CSMD1: variants seen among roughly 807,000 people sequenced by gnomAD.
The protein encoded by CSMD1 is CUB and sushi domain-containing protein 1.
A neutral mutation model predicts 417.5 loss-of-function variants in CSMD1; 213 were observed. The observed-to-expected ratio is 0.51, with a 90% CI of 0.46 to 0.57. CSMD1 has a LOEUF of 0.57. Among genes scored for constraint, CSMD1 ranks in the 20% least tolerant of loss-of-function variants. The pLI is 0.00. For missense variants in CSMD1, 6,923 were observed against 4,529.7 expected, an observed-to-expected ratio of 1.53 and a Z score of -15.17; for synonymous variants, 2,862 against 1,736.8, an observed-to-expected ratio of 1.65 and a Z score of -16.11.
chr8:3,798,858 A>T (rs1039650260), intron 5 of CSMD1, among the ~76,000 whole-genome samples: 1 of 151,964 alleles, frequency 6.6e-6, no homozygotes, highest in Non-Finnish European at 1.5e-5. Context: ...ACTCTTTCCT[A>T]TTTTCCTTTG....
At chr8:3,781,510 G>C (rs1799180412) in intron 5 of CSMD1, among the ~76,000 whole-genome samples, 1 of 151,940 alleles carries the variant, frequency 6.6e-6, no homozygotes, top group South Asian at 2.1e-4. Flanking sequence ...AGTTAGGTGT[G>C]CGATTGTGGA....
At position 3,101,096 on chromosome 8, in the gene CSMD1, C is replaced by T. The variant is rs187297645; in HGVS notation, c.6950-4059G>A. On this transcript the variant is annotated intron_variant, in intron 46 of 69. Transcript: ENST00000635120. ...TCTAAAGAAATGAATATTCTAAAAA[C>T]TATTGAAGGATCCCCCAAGGTCCAC... is the stretch of plus-strand genomic sequence containing the variant. Among the ~76,000 whole-genome samples, 10 of 143,520 alleles carry T rather than the reference C, an allele frequency of 7.0e-5. No individual in the cohort carries two copies. In the East Asian group the frequency reaches 2.1e-3, roughly 31 times the overall value. The allele number at this position is 143,520 out of a possible 152,430, so 94.2% of individuals were successfully genotyped here. A position where few individuals can be genotyped will look rare whatever the true frequency, so the allele number is the denominator to read the frequency against.
chr8:4,871,457 G>A (rs1802734471), intron 1 of CSMD1, among the ~76,000 whole-genome samples: 2 of 152,062 alleles, frequency 1.3e-5, no homozygotes, highest in Admixed American at 6.6e-5. Context: ...GCCACATAAA[G>A]AAAGATGCGT....
At chr8:3,977,294 A>C (rs1343884892) in intron 5 of CSMD1, among the ~76,000 whole-genome samples, 1 of 152,160 alleles carries the variant, frequency 6.6e-6, no homozygotes, top group Non-Finnish European at 1.5e-5. Context: ...GGGTTCCCTG[A>C]AGACAGATCC....
chr8:4,010,416 C>T (rs986428202), intron 4 of CSMD1, among the ~76,000 whole-genome samples: 5 of 152,106 alleles, frequency 3.3e-5, no homozygotes, highest in Admixed American at 6.5e-5. Context: ...CACAAATTCT[C>T]GGTCATTTCA....
intron 1 of CSMD1, among the ~76,000 whole-genome samples, chr8:4,644,413 C>T: frequency 1.3e-5 from 1 of 77,296 alleles, no homozygotes; most frequent in African/African-American, 4.8e-5. Context: ...TACCCTTTGC[C>T]CTATTTTTTT....
chr8:3,406,732 C>G (rs948576794), intron 14 of CSMD1, among the ~76,000 whole-genome samples: 1 of 152,172 alleles, frequency 6.6e-6, no homozygotes, highest in Non-Finnish European at 1.5e-5. Flanking sequence ...GCCTAAGAAA[C>G]TAGGCAGTTA....
intron 1 of CSMD1, among the ~76,000 whole-genome samples, chr8:4,693,637 G>A (rs546016123): frequency 6.6e-6 from 1 of 152,028 alleles, no homozygotes; most frequent in East Asian, 1.9e-4. Flanking sequence ...TTTTCAAATG[G>A]GTGATCTTTC....
intron 41 of CSMD1, among the ~76,000 whole-genome samples, chr8:3,124,172 G>A (rs898586905): frequency 1.1e-4 from 16 of 151,932 alleles, no homozygotes; most frequent in Non-Finnish European, 2.1e-4. Context: ...TAGCCCATAT[G>A]GGCAGTACAG....
intron 5 of CSMD1, among the ~76,000 whole-genome samples, chr8:3,763,323 C>G (rs549664927): frequency 9.9e-5 from 15 of 152,210 alleles, no homozygotes; most frequent in African/African-American, 3.4e-4. Flanking sequence ...AGGTGGGGCC[C>G]TGTGGGAGGT....
chr8:4,638,561 G>C (rs544696056), intron 1 of CSMD1, among the ~76,000 whole-genome samples: 1 of 152,196 alleles, frequency 6.6e-6, no homozygotes, highest in Non-Finnish European at 1.5e-5. Flanking sequence ...GGACTTAGGA[G>C]GTGGAGCAGA....
chr8:3,792,493 T>C (rs1246429044), intron 5 of CSMD1, among the ~76,000 whole-genome samples: 1 of 152,178 alleles, frequency 6.6e-6, no homozygotes, highest in African/African-American at 2.4e-5. Context: ...CCAAAGCGTT[T>C]TTGCAACTCG....
intron 25 of CSMD1, among the ~76,000 whole-genome samples, chr8:3,306,971 T>C (rs1804907734): frequency 6.6e-6 from 1 of 152,184 alleles, no homozygotes; most frequent in South Asian, 2.1e-4. Flanking sequence ...TTTGCAATGA[T>C]TTTCTTTTAT....
intron 3 of CSMD1, among the ~76,000 whole-genome samples, chr8:4,125,377 C>G (rs1257297008): frequency 2.6e-5 from 4 of 152,186 alleles, no homozygotes; most frequent in African/African-American, 7.2e-5. Context: ...TGCAGGTCCC[C>G]TCCCTGCTCC....
intron 1 of CSMD1, among the ~76,000 whole-genome samples, chr8:4,644,149 G>T (rs947809280): frequency 1.3e-5 from 2 of 152,158 alleles, no homozygotes; most frequent in African/African-American, 4.8e-5. Flanking sequence ...CACTCAAAAT[G>T]AACCAGGAGT....
chr8:4,623,879 G>A (rs1801932486), intron 2 of CSMD1, among the ~76,000 whole-genome samples: 1 of 152,086 alleles, frequency 6.6e-6, no homozygotes, highest in African/African-American at 2.4e-5. Flanking sequence ...CACAAGAAAA[G>A]TTTTGTGGGT....
chr8:3,993,799 T>A, intron 5 of CSMD1, among the ~76,000 whole-genome samples: 1 of 152,188 alleles, frequency 6.6e-6, no homozygotes. Context: ...ACACAACCTG[T>A]TTGTTTCACT....
chr8:4,686,606 G>A (rs1048347026), intron 1 of CSMD1, among the ~76,000 whole-genome samples: 8 of 152,216 alleles, frequency 5.3e-5, no homozygotes, highest in Non-Finnish European at 7.3e-5. Context: ...CTCACGTCCC[G>A]ACGTCTGGCT....
intron 1 of CSMD1, among the ~76,000 whole-genome samples, chr8:4,882,610 A>C (rs1803485410): frequency 6.6e-6 from 1 of 151,900 alleles, no homozygotes; most frequent in Non-Finnish European, 1.5e-5. Flanking sequence ...AGATGCAATG[A>C]GGTATTCAAC....
Sources: gnomAD v4.1 joint callset for allele counts (sites outside exome capture counted in the v4.1 genomes callset) on GRCh38, gnomAD v4.1.1 for gene constraint, MANE v1.5 for transcripts, NCBI Gene and HGNC (gene_info 2026-07-23, HGNC 2026-07-21) for gene names.